The following FAM156A variants were observed in gnomAD, a reference collection of about 807,000 sequenced individuals.
The protein encoded by FAM156A is protein FAM156A/FAM156B.
chrX:52,984,107 A>T (rs1019795443), intron 1 of FAM156A, among the ~76,000 whole-genome samples: 6 of 111,420 alleles, frequency 5.4e-5, no homozygotes, highest in African/African-American at 1.6e-4. Flanking sequence ...GTTGGTGAAG[A>T]TTCATTACAA....
intron 1 of FAM156A, among the ~76,000 whole-genome samples, chrX:52,987,391 C>T (rs1283575014): frequency 5.4e-5 from 6 of 111,321 alleles, no homozygotes; most frequent in African/African-American, 1.6e-4. Flanking sequence ...TTTGGGAAGC[C>T]GAGGCAGGAT....
chrX:52,987,597 G>A (rs1465735691), intron 1 of FAM156A, among the ~76,000 whole-genome samples: 1 of 108,231 alleles, frequency 9.2e-6, no homozygotes, highest in Non-Finnish European at 1.9e-5. Flanking sequence ...GCAGCAAACC[G>A]TGATTGTGGC....
At chrX:52,977,908 T>G (rs1469063502) in intron 1 of FAM156A, among the ~76,000 whole-genome samples, 1 of 112,348 alleles carries the variant, frequency 8.9e-6, no homozygotes, top group Non-Finnish European at 1.9e-5. Context: ...ATAGAACTAA[T>G]AGCAATAGAA....
chrX:52,976,685 G>C (rs1436603268), intron 1 of FAM156A, among the ~76,000 whole-genome samples: 1 of 110,983 alleles, frequency 9.0e-6, no homozygotes, highest in Non-Finnish European at 1.9e-5. Context: ...TTATACCAAA[G>C]CTATTTCCCA....
At chrX:52,976,168 A>C (rs868931267) in intron 1 of FAM156A, among the ~76,000 whole-genome samples, 1 of 112,067 alleles carries the variant, frequency 8.9e-6, no homozygotes, top group Non-Finnish European at 1.9e-5. Context: ...ATTATTGGCC[A>C]GGTGCGGTGG....
chrX:52,990,609 C>CCAAA, intron 1 of FAM156A, among the ~76,000 whole-genome samples: 1 of 109,765 alleles, frequency 9.1e-6, no homozygotes, highest in African/African-American at 3.3e-5. Flanking sequence ...CATGGCAAAA[C>CCAAA]CCCATCTCTA....
intron 1 of FAM156A, among the ~76,000 whole-genome samples, chrX:52,977,310 C>T (rs781995056): frequency 9.1e-6 from 1 of 109,593 alleles, no homozygotes; most frequent in Non-Finnish European, 1.9e-5. Flanking sequence ...CCTTCACTTC[C>T]CCTCCACACT....
At chrX:52,986,566 T>C (rs1044676539) in intron 1 of FAM156A, among the ~76,000 whole-genome samples, 15 of 110,946 alleles carry the variant, frequency 1.4e-4, no homozygotes, top group African/African-American at 3.3e-5. Context: ...ATCTACCATA[T>C]TAATATACCG....
chrX:52,993,970 C>T (rs1302515339), intron 1 of FAM156A, among the ~76,000 whole-genome samples: 1 of 111,079 alleles, frequency 9.0e-6, no homozygotes, highest in Non-Finnish European at 1.9e-5. Context: ...GATTATGATA[C>T]ATACTGAGGT....
At chrX:52,981,245 T>C (rs782618221) in intron 1 of FAM156A, among the ~76,000 whole-genome samples, 2 of 111,382 alleles carry the variant, frequency 1.8e-5, no homozygotes, top group South Asian at 7.6e-4. Flanking sequence ...TGAAGGTCTA[T>C]CTTAGAAAGG....
At chrX:52,986,473 T>A (rs1261292550) in intron 1 of FAM156A, among the ~76,000 whole-genome samples, 1 of 110,275 alleles carries the variant, frequency 9.1e-6, no homozygotes, top group Admixed American at 9.7e-5. Context: ...CAATAATATA[T>A]AAAAAGGATA....
chrX:52,984,172 G>A (rs952958151), intron 1 of FAM156A, among the ~76,000 whole-genome samples: 8 of 111,695 alleles, frequency 7.2e-5, no homozygotes, highest in African/African-American at 2.6e-4. Context: ...GCAATGTCCC[G>A]AGGAAACCAG....
intron 1 of FAM156A, among the ~76,000 whole-genome samples, chrX:52,979,943 T>G (rs1453094385): frequency 1.8e-5 from 2 of 112,453 alleles, no homozygotes; most frequent in African/African-American, 3.2e-5. Context: ...TGGTTTGTAG[T>G]CAGAATATCA....
At chrX:52,990,258 G>A (rs1468901015) in intron 1 of FAM156A, among the ~76,000 whole-genome samples, 1 of 111,934 alleles carries the variant, frequency 8.9e-6, no homozygotes, top group Non-Finnish European at 1.9e-5. Flanking sequence ...CAACGTGGCT[G>A]CACTGTGCCT....
At chrX:52,987,247 G>T (rs893450121) in intron 1 of FAM156A, among the ~76,000 whole-genome samples, 28 of 112,049 alleles carry the variant, frequency 2.5e-4, no homozygotes, top group African/African-American at 9.1e-4. Context: ...TTATAGGAAT[G>T]ATGTCCCCAA....
intron 1 of FAM156A, among the ~76,000 whole-genome samples, chrX:52,986,799 G>C (rs2146620830): frequency 9.0e-6 from 1 of 111,343 alleles, no homozygotes; most frequent in African/African-American, 3.3e-5. Context: ...AACCAAACAA[G>C]GTTGCTCATT....
chrX:52,974,812 C>G (rs782768121), intron 1 of FAM156A, among the ~76,000 whole-genome samples: 9 of 110,714 alleles, frequency 8.1e-5, no homozygotes, highest in African/African-American at 3.0e-4. Context: ...AAACCTTTCA[C>G]ACAACATTGC....
At chrX:52,984,044 T>C (rs1191876864) in intron 1 of FAM156A, among the ~76,000 whole-genome samples, 3 of 111,514 alleles carry the variant, frequency 2.7e-5, no homozygotes, top group Non-Finnish European at 3.8e-5. Flanking sequence ...CCATTTTCGA[T>C]TATTTGCTGG....
At chrX:52,973,438 G>T (rs781922671) in intron 1 of FAM156A, among the ~76,000 whole-genome samples, 1 of 108,595 alleles carries the variant, frequency 9.2e-6, no homozygotes, top group Non-Finnish European at 1.9e-5. Context: ...CAGAATCTGT[G>T]CAACCCAGAA....
Sources: allele counts gnomAD v4.1 joint callset (sites outside exome capture counted in the v4.1 genomes callset), GRCh38; gene constraint gnomAD v4.1.1; transcripts MANE v1.5; gene names NCBI Gene and HGNC (gene_info 2026-07-23, HGNC 2026-07-21).